ADGRL2: variants seen among roughly 807,000 people sequenced by gnomAD.
ADGRL2 encodes calcium-independent alpha-latrotoxin receptor 2.
A neutral mutation model predicts 157.4 loss-of-function variants in ADGRL2; 44 were observed. The ratio of observed to expected loss-of-function variants is 0.28; its 90% CI spans 0.22 to 0.36. ADGRL2 has a LOEUF of 0.36. Ranked by LOEUF, ADGRL2 falls within the 10% of genes least tolerant of loss-of-function variation. The pLI is 1.00. For missense variants in ADGRL2, 1,510 were observed against 1,768.9 expected (o/e 0.85, Z 2.63); for synonymous variants, 585 against 624.7 (o/e 0.94, Z 0.95).
intron 1 of ADGRL2, among the ~76,000 whole-genome samples, chr1:81,393,111 A>G (rs1162483874): frequency 2.6e-5 from 4 of 152,136 alleles, no homozygotes; most frequent in Non-Finnish European, 5.9e-5. Context: ...ATGGAGATCT[A>G]ACATTACAAA....
chr1:81,494,290 C>T (rs995938699), intron 2 of ADGRL2, among the ~76,000 whole-genome samples: 1 of 152,074 alleles, frequency 6.6e-6, no homozygotes, highest in African/African-American at 2.4e-5. Flanking sequence ...GATAATGTGT[C>T]CCATTTTTAA....
intron 2 of ADGRL2, among the ~76,000 whole-genome samples, chr1:81,897,344 G>A (rs1480454852): frequency 6.6e-6 from 1 of 151,938 alleles, no homozygotes; most frequent in African/African-American, 2.4e-5. Flanking sequence ...GAACTTAGAA[G>A]TTGTAACTAT....
At chr1:81,633,437 A>C (rs943503400) in intron 3 of ADGRL2, among the ~76,000 whole-genome samples, 2 of 151,726 alleles carry the variant, frequency 1.3e-5, no homozygotes, top group African/African-American at 4.8e-5. Flanking sequence ...CTCCACTAAA[A>C]ATAAAAAAAT....
At chr1:81,872,015 G>T (rs1239765569) in intron 2 of ADGRL2, among the ~76,000 whole-genome samples, 1 of 152,144 alleles carries the variant, frequency 6.6e-6, no homozygotes, top group African/African-American at 2.4e-5. Flanking sequence ...CCATGCCTAT[G>T]TCCTGAATGG....
At chr1:81,947,362 A>T (rs1650238891) in intron 6 of ADGRL2, among the ~76,000 whole-genome samples, 1 of 152,230 alleles carries the variant, frequency 6.6e-6, no homozygotes, top group African/African-American at 2.4e-5. Flanking sequence ...ATGTTCCCAG[A>T]TAACTGCAAG....
chr1:81,898,525 C>A (rs2094433943), intron 2 of ADGRL2, among the ~76,000 whole-genome samples: 1 of 152,128 alleles, frequency 6.6e-6, no homozygotes, highest in Non-Finnish European at 1.5e-5. Context: ...TTGATAAAGG[C>A]ATTTCTAAAG....
At chr1:81,693,912 GC>G (rs1298034182) in intron 3 of ADGRL2, among the ~76,000 whole-genome samples, 1 of 152,130 alleles carries the variant, frequency 6.6e-6, no homozygotes, top group Admixed American at 6.5e-5. Flanking sequence ...CAGACACTGA[GC>G]TAGGCCCTGG....
At chr1:81,912,414 A>T (rs989935272) in intron 3 of ADGRL2, among the ~76,000 whole-genome samples, 13 of 152,144 alleles carry the variant, frequency 8.5e-5, no homozygotes, top group Non-Finnish European at 1.2e-4. Flanking sequence ...TTTGGTTGTT[A>T]TACTATCCAT....
chr1:81,826,972 C>T lies in ADGRL2; in HGVS notation c.-100-9913C>T, dbSNP rs371621641. ...TTGTAGGTTAAAAATGTTACTTTTA[C>T]GAATGATATGTTATAGTTTGACTTA... On this transcript the variant is annotated intron_variant, in intron 1 of 23. Transcript: ENST00000686636. Among the ~76,000 whole-genome samples, 4 of 151,808 alleles carry T rather than the reference C, an allele frequency of 2.6e-5. No homozygotes were observed. The East Asian group carries it at 5.8e-4, about 22-fold the overall frequency.
intron 22 of ADGRL2, 185 bp downstream of exon 22, chr1:81,987,214 T>C: frequency 7.3e-7 from 1 of 1,361,566 alleles, no homozygotes; most frequent in East Asian, 2.4e-5. Flanking sequence ...TAGTAAAAGC[T>C]CAGTCATGAT....
intron 2 of ADGRL2, among the ~76,000 whole-genome samples, chr1:81,894,939 T>G (rs2094349513): frequency 6.6e-6 from 1 of 152,178 alleles, no homozygotes; most frequent in African/African-American, 2.4e-5. Flanking sequence ...GCTGATACTT[T>G]TTAAGTGATT....
intron 2 of ADGRL2, among the ~76,000 whole-genome samples, chr1:81,450,336 C>T (rs992019952): frequency 6.6e-6 from 1 of 152,186 alleles, no homozygotes; most frequent in Non-Finnish European, 1.5e-5. Context: ...CCATTAGGTA[C>T]TGAGAGTTTA....
At chr1:81,505,835 T>C (rs1351682688) in intron 2 of ADGRL2, among the ~76,000 whole-genome samples, 2 of 151,902 alleles carry the variant, frequency 1.3e-5, no homozygotes, top group Non-Finnish European at 2.9e-5. Flanking sequence ...TACTTTCTGA[T>C]ATCCACCTCA....
At chr1:81,878,275 T>C (rs754713911) in intron 2 of ADGRL2, among the ~76,000 whole-genome samples, 2 of 152,160 alleles carry the variant, frequency 1.3e-5, no homozygotes, top group Non-Finnish European at 2.9e-5. Context: ...GGACAGCCTA[T>C]CTATGTTTGA....
chr1:81,929,413 C>G (rs1420889581), intron 3 of ADGRL2, among the ~76,000 whole-genome samples: 1 of 152,158 alleles, frequency 6.6e-6, no homozygotes, highest in Non-Finnish European at 1.5e-5. Context: ...ATCTAATGAT[C>G]TGCTGAAGAT....
rs201719831 is a variant in ADGRL2, at chr1:81,808,826, AT to A, written c.-101+7760del. ...GGGCACCTGTTTTATTACCACCTTGATTAATTCTGGCACCCAGATTTACGGA... is the reference window on the plus strand; with the variant it reads ...GGGCACCTGTTTTATTACCACCTTGATAATTCTGGCACCCAGATTTACGGA... On this transcript the variant is annotated intron_variant, in intron 1 of 23. Coordinates refer to ENST00000686636, the MANE Select transcript of ADGRL2 (RefSeq NM_001366006.2). Among the ~76,000 whole-genome samples, 596 of 152,194 alleles carry A rather than the reference AT, an allele frequency of 3.9e-3. 4 individuals carry two copies. Among genetic ancestry groups the A allele is most frequent in the African/African-American group, 0.013 (538 of 41,556 alleles).
At chr1:81,560,684 G>A (rs1461395851) in intron 2 of ADGRL2, among the ~76,000 whole-genome samples, 5 of 152,142 alleles carry the variant, frequency 3.3e-5, no homozygotes, top group Admixed American at 1.3e-4. Flanking sequence ...CATCAGTGAG[G>A]ATGATCGTGG....
At chr1:81,528,789 G>A (rs536429127) in intron 2 of ADGRL2, among the ~76,000 whole-genome samples, 4 of 152,184 alleles carry the variant, frequency 2.6e-5, no homozygotes, top group African/African-American at 9.6e-5. Flanking sequence ...GTAAATAAGT[G>A]GTTCATTGTT....
intron 1 of ADGRL2, among the ~76,000 whole-genome samples, chr1:81,715,203 T>G (rs2084070656): frequency 6.7e-6 from 1 of 148,816 alleles, no homozygotes; most frequent in African/African-American, 2.5e-5. Context: ...TTTGGTAAAA[T>G]AAGTACTATA....
Sources: allele counts gnomAD v4.1 joint callset (sites outside exome capture counted in the v4.1 genomes callset), GRCh38; gene constraint gnomAD v4.1.1; transcripts MANE v1.5; gene names NCBI Gene and HGNC (gene_info 2026-07-23, HGNC 2026-07-21).